Variants in CSMD1 observed in about 807,000 individuals in gnomAD.
CSMD1 encodes CUB and Sushi multiple domains 1, also known as CUB and sushi domain-containing protein 1.
In CSMD1, 213 loss-of-function variants were observed where a neutral mutation model predicts 417.5. That is an observed-to-expected ratio of 0.51 (90% CI 0.46 to 0.57). The LOEUF (loss-of-function observed/expected upper bound fraction) is 0.57, where lower values mean the gene tolerates loss of function less well. Among genes scored for constraint, CSMD1 ranks in the 20% least tolerant of loss-of-function variants. The pLI is 0.00. For missense variants in CSMD1, 6,923 were observed against 4,529.7 expected (o/e 1.53, Z -15.17); for synonymous variants, 2,862 against 1,736.8 (o/e 1.65, Z -16.11).
intron 1 of CSMD1, among the ~76,000 whole-genome samples, chr8:4,680,296 A>C (rs1413078871): frequency 6.6e-6 from 1 of 152,174 alleles, no homozygotes; most frequent in Non-Finnish European, 1.5e-5. Context: ...GGAAAATTCG[A>C]CCGAAAAAGT....
At chr8:3,951,193 A>G (rs958073767) in intron 5 of CSMD1, among the ~76,000 whole-genome samples, 3 of 152,168 alleles carry the variant, frequency 2.0e-5, no homozygotes, top group Non-Finnish European at 4.4e-5. Flanking sequence ...ATGTGAGACA[A>G]GACCTGTATA....
chr8:3,026,010 C>T (rs1809845117), intron 51 of CSMD1, among the ~76,000 whole-genome samples: 1 of 152,044 alleles, frequency 6.6e-6, no homozygotes, highest in South Asian at 2.1e-4. Flanking sequence ...ACCCCTGAGT[C>T]GAGACATCTC....
At chr8:4,616,153 G>C (rs1198022455) in intron 2 of CSMD1, among the ~76,000 whole-genome samples, 1 of 152,102 alleles carries the variant, frequency 6.6e-6, no homozygotes, top group African/African-American at 2.4e-5. Context: ...AAAAATAAAT[G>C]AACAGATCCC....
chr8:3,141,999 G>C (rs865990818), intron 41 of CSMD1, among the ~76,000 whole-genome samples: 1 of 151,890 alleles, frequency 6.6e-6, no homozygotes, highest in Non-Finnish European at 1.5e-5. Flanking sequence ...GGGTTTCACC[G>C]TGTTAGCCAG....
intron 3 of CSMD1, among the ~76,000 whole-genome samples, chr8:4,278,316 G>A (rs1260127511): frequency 3.3e-5 from 5 of 152,008 alleles, no homozygotes; most frequent in African/African-American, 1.2e-4. Context: ...CGGTAGTGCT[G>A]GTAATCTACA....
At chr8:3,435,108 G>C (rs1814464455) in intron 12 of CSMD1, among the ~76,000 whole-genome samples, 1 of 152,116 alleles carries the variant, frequency 6.6e-6, no homozygotes, top group Admixed American at 6.6e-5. Context: ...CGGAGAGACA[G>C]CACACCCCTA....
intron 1 of CSMD1, among the ~76,000 whole-genome samples, chr8:4,922,272 G>A (rs1049077305): frequency 2.6e-5 from 4 of 152,102 alleles, no homozygotes; most frequent in Admixed American, 1.3e-4. Flanking sequence ...TGAATGTGTT[G>A]TTTAAAGGTA....
chr8:3,369,821 T>G (rs1365268039), intron 18 of CSMD1, among the ~76,000 whole-genome samples: 1 of 152,202 alleles, frequency 6.6e-6, no homozygotes, highest in Non-Finnish European at 1.5e-5. Context: ...TGGCAACAAT[T>G]AGGATGTCTG....
At chr8:3,797,731 A>T (rs539060720) in intron 5 of CSMD1, among the ~76,000 whole-genome samples, 1 of 151,986 alleles carries the variant, frequency 6.6e-6, no homozygotes, top group Non-Finnish European at 1.5e-5. Context: ...ACATATTCTT[A>T]TACAAAATAT....
intron 5 of CSMD1, among the ~76,000 whole-genome samples, chr8:3,956,158 G>T (rs925188902): frequency 1.3e-5 from 2 of 149,672 alleles, no homozygotes; most frequent in Non-Finnish European, 3.0e-5. Context: ...AATAATCTTA[G>T]ATGCAAAAAG....
chr8:3,007,563 C>T (rs373877686), intron 52 of CSMD1, among the ~76,000 whole-genome samples: 1 of 151,378 alleles, frequency 6.6e-6, no homozygotes, highest in Non-Finnish European at 1.5e-5. Context: ...AAATGTGGCA[C>T]ATATACACCA....
chr8:4,699,379 T>A (rs539225352), intron 1 of CSMD1, among the ~76,000 whole-genome samples: 1 of 152,294 alleles, frequency 6.6e-6, no homozygotes, highest in South Asian at 2.1e-4. Flanking sequence ...TACCCACAAC[T>A]CACACCTTGT....
intron 3 of CSMD1, among the ~76,000 whole-genome samples, chr8:4,361,773 G>A (rs1388165947): frequency 2.0e-5 from 3 of 152,066 alleles, no homozygotes; most frequent in East Asian, 1.9e-4. Flanking sequence ...GGCTAACACG[G>A]TGAAACCCCA....
chr8:4,637,433 G>C lies in CSMD1; in HGVS notation c.211C>G (p.Gln71Glu), dbSNP rs1222626991. ...AGAGCAAAGGTATGGAAGGACAACT[G>C]TATCCTATTGCGCTCGCCCGTGATG... ...IIITGERNRI[Q>E]LSFHTFALEE... Residue 71 changes from glutamine (Q) to glutamate (E), a missense_variant, in exon 2 of 70, where the codon CAG becomes GAG. By Grantham distance (29) the Gln-to-Glu change is conservative (BLOSUM62 2). Coordinates refer to ENST00000635120, the MANE Select transcript of CSMD1 (RefSeq NM_033225.6). 1 of 1,613,818 alleles carries C rather than the reference G, an allele frequency of 6.2e-7. No homozygotes were observed. Among genetic ancestry groups the C allele is most frequent in the Non-Finnish European group, 8.5e-7 (1 of 1,179,854 alleles).
chr8:4,022,350 G>T (rs941457159), intron 4 of CSMD1, among the ~76,000 whole-genome samples: 1 of 151,966 alleles, frequency 6.6e-6, no homozygotes, highest in Non-Finnish European at 1.5e-5. Flanking sequence ...GAAGTGAATA[G>T]CATACTTAAA....
At chr8:4,679,804 A>G (rs1805924553) in intron 1 of CSMD1, among the ~76,000 whole-genome samples, 1 of 152,136 alleles carries the variant, frequency 6.6e-6, no homozygotes, top group Non-Finnish European at 1.5e-5. Context: ...TATAAAATGC[A>G]TAATTATTTT....
At chr8:4,043,188 G>C (rs1028588614) in intron 3 of CSMD1, among the ~76,000 whole-genome samples, 18 of 152,118 alleles carry the variant, frequency 1.2e-4, no homozygotes, top group Non-Finnish European at 2.6e-4. Context: ...GTAGATTATG[G>C]TAGACTGCTA....
intron 10 of CSMD1, among the ~76,000 whole-genome samples, chr8:3,540,345 G>A (rs1585329558): frequency 6.6e-6 from 1 of 152,102 alleles, no homozygotes. Flanking sequence ...TCACAACAGT[G>A]CCCTATACAG....
intron 2 of CSMD1, among the ~76,000 whole-genome samples, chr8:4,604,230 G>T (rs1800746525): frequency 1.3e-5 from 2 of 151,894 alleles, no homozygotes; most frequent in Admixed American, 6.6e-5. Context: ...TTTTAACTTT[G>T]ATTGACTACT....
Sources: gnomAD v4.1 joint callset for allele counts (sites outside exome capture counted in the v4.1 genomes callset) on GRCh38, gnomAD v4.1.1 for gene constraint, MANE v1.5 for transcripts, NCBI Gene and HGNC (gene_info 2026-07-23, HGNC 2026-07-21) for gene names.